The following C4orf50 variants were observed in gnomAD, a reference collection of about 807,000 sequenced individuals.
C4orf50 encodes the protein uncharacterized protein C4orf50.
Under a neutral mutation model 77.2 loss-of-function variants are expected in C4orf50, and 80 were observed. The observed-to-expected ratio is 1.04, with a 90% confidence interval of 0.87 to 1.25. The LOEUF (loss-of-function observed/expected upper bound fraction) is 1.25. C4orf50 is among the 50% of genes most tolerant of loss of function. The pLI is 0.00. For missense variants in C4orf50, 1,257 were observed against 1,152.9 expected (o/e 1.09, Z -1.31); for synonymous variants, 532 against 465.3 (o/e 1.14, Z -1.84).
At chr4:5,930,438 C>T (rs1438464223) in intron 7 of C4orf50, among the ~76,000 whole-genome samples, 1 of 152,218 alleles carries the variant, frequency 6.6e-6, no homozygotes, top group African/African-American at 2.4e-5. Context: ...CAATCCACCA[C>T]CAGACTTTTT....
At chr4:5,953,280 T>C (rs994256291), downstream of C4orf50, among the ~76,000 whole-genome samples, 1 of 152,160 alleles carries the variant, frequency 6.6e-6, no homozygotes. Context: ...TGAAAAAGAA[T>C]GGCTGGGAGT....
At chr4:5,997,827 G>T (rs765273171) in intron 25 of C4orf50, among the ~76,000 whole-genome samples, 14 of 152,170 alleles carry the variant, frequency 9.2e-5, no homozygotes, top group Non-Finnish European at 1.9e-4. Flanking sequence ...TAATGATATA[G>T]AAGGATCATT....
At chr4:5,924,527 A>G (rs1717425166) in intron 7 of C4orf50, among the ~76,000 whole-genome samples, 1 of 152,160 alleles carries the variant, frequency 6.6e-6, no homozygotes, top group Non-Finnish European at 1.5e-5. Flanking sequence ...GCAAGGGTAG[A>G]GAAACCTCCT....
chr4:5,980,073 G>A (rs1183136596), intron 29 of C4orf50, 101 bp downstream of exon 7: 25 of 935,214 alleles, frequency 2.7e-5, no homozygotes, highest in Non-Finnish European at 3.8e-5. Flanking sequence ...CTCCCAACTG[G>A]CTGGGTCAAG....
Position 5,967,408 on chromosome 4 carries a change from A to G in C4orf50, c.4153+6T>C. 6.2e-7 allele frequency: 1 copy of G among 1,612,350 alleles called. No homozygotes were observed. The highest frequency in any genetic ancestry group is 8.5e-7 in the Non-Finnish European group (1 of 1,178,430). On this transcript the variant is annotated splice_donor_region_variant and intron_variant, in intron 32 of 33. Coordinates refer to ENST00000531445, the Ensembl canonical transcript of C4orf50. ...CAGGCTTTTCCTGATCAAAAATCAC[A>G]CTGACCTCTTAAAGCTGCCGTCATC...
rs191424852 is a variant in C4orf50, at chr4:6,010,832, T to C, written c.426+998A>G. On this transcript the variant is annotated intron_variant, in intron 24 of 33. Coordinates refer to ENST00000531445, the Ensembl canonical transcript of C4orf50. The stretch of plus-strand genomic sequence containing the variant: ...TCCTTCCCCTGGAAAATTTTAGTAA[T>C]GGCTAATAATTATAAAAGCAGATAG... Among the ~76,000 whole-genome samples, 85 of 152,312 alleles carry C rather than the reference T, an allele frequency of 5.6e-4. 1 individual carries two copies. Among genetic ancestry groups the C allele is most frequent in the Non-Finnish European group, 1.0e-3 (70 of 68,014 alleles).
Position 5,932,288 on chromosome 4 carries a change from G to A in C4orf50, c.*2474+24613C>T, listed in dbSNP as rs1398731407. ...TTTCCTTGGCCCATTTATGGAGCAC[G>A]CACATGAGTAGCGAGGCTGGGCTCC... On this transcript the variant is annotated intron_variant, in intron 7 of 7. Transcript: ENST00000324058. The surrounding 1 kb of genome is among the most constrained non-coding windows in gnomAD (Gnocchi z 4.2). Among the ~76,000 whole-genome samples, 2 of 152,284 alleles carry A rather than the reference G, an allele frequency of 1.3e-5. No homozygotes were observed. Among genetic ancestry groups the A allele is most frequent in the East Asian group, 1.9e-4 (1 of 5,172 alleles).
intron 26 of C4orf50, 100 bp from the exon 5 acceptor site, chr4:5,993,030 A>G (rs1167492076): frequency 5.2e-6 from 2 of 387,078 alleles, no homozygotes; most frequent in African/African-American, 2.1e-5. Context: ...GTAAGATGGC[A>G]CCCCCCCCAC....
chr4:5,959,740 C>A (rs1577933185), intron 33 of C4orf50, 114 bp from the exon 12 acceptor site: 2 of 1,307,882 alleles, frequency 1.5e-6, no homozygotes, highest in East Asian at 2.5e-5. Flanking sequence ...GGTTTCGGGG[C>A]ACTTTCTGTG....
exon 28 of C4orf50, chr4:5,990,546 G>C: frequency 2.5e-6 from 1 of 399,082 alleles, no homozygotes; most frequent in African/African-American, 2.1e-5. Flanking sequence ...GAGGAGGCGG[G>C]GACCTGGTGG....
chr4:5,942,075 G>A (rs2108751310), intron 7 of C4orf50, among the ~76,000 whole-genome samples: 1 of 152,320 alleles, frequency 6.6e-6, no homozygotes, highest in Middle Eastern at 3.4e-3. Context: ...GCTCCTGGAG[G>A]AATCTCAGTC....
chr4:5,935,319 G>A lies in C4orf50; in HGVS notation c.*2474+21582C>T, dbSNP rs550851355. On this transcript the variant is annotated intron_variant, in intron 7 of 7. Coordinates refer to the C4orf50 transcript ENST00000324058. The stretch of plus-strand genomic sequence containing the variant: ...GGAGGGCTACGCCCCCAGTAACAGG[G>A]GGAATTAGAAGATAGAGAGGAAGTT... Among the ~76,000 whole-genome samples the A allele has an allele frequency of 2.6e-5, 4 of 152,286 alleles. No individual in the cohort carries two copies. The South Asian group carries it at 8.3e-4, about 32-fold the overall frequency.
At chr4:5,980,390 T>A (rs1423244896) in intron 28 of C4orf50, 52 bp from the exon 7 acceptor site, 35 of 1,552,738 alleles carry the variant, frequency 2.3e-5, no homozygotes, top group Non-Finnish European at 3.0e-5. Flanking sequence ...TTCAAGCAAT[T>A]TGCCTTAGCC....
chr4:6,000,163 C>T lies in C4orf50; in HGVS notation c.964-5687G>A, dbSNP rs1014288786. 2.0e-5 allele frequency among the ~76,000 whole-genome samples: 3 copies of T among 151,470 alleles called. No homozygotes were observed. Among genetic ancestry groups the T allele is most frequent in the Non-Finnish European group, 2.9e-5 (2 of 67,820 alleles). On this transcript the variant is annotated intron_variant, in intron 25 of 33. Transcript: ENST00000531445. This position sits in a 1 kb window ranked among gnomAD's most constrained non-coding sequence, Gnocchi z 6.0. ...TCGGTCCTCCTGGGTCACTCCCAGT[C>T]CTTTGAAGATGCACTGGCAGCCTTG...
intron 28 of C4orf50, among the ~76,000 whole-genome samples, chr4:5,981,461 A>G (rs1258537784): frequency 6.7e-6 from 1 of 148,818 alleles, no homozygotes; most frequent in East Asian, 2.0e-4. Context: ...CTGGAGTGCA[A>G]TGGCATGACC....
At chr4:6,012,990 C>T (rs747780510) in intron 23 of C4orf50, among the ~76,000 whole-genome samples, 3 of 152,208 alleles carry the variant, frequency 2.0e-5, no homozygotes, top group Non-Finnish European at 4.4e-5. Context: ...GATACTGATG[C>T]CCTGGGTGAA....
chr4:5,926,400 C>T (rs964502476), intron 7 of C4orf50, among the ~76,000 whole-genome samples: 8 of 152,104 alleles, frequency 5.3e-5, no homozygotes, highest in East Asian at 1.9e-4. Flanking sequence ...CCCACAGGGA[C>T]GGAAAGTGGA....
chr4:5,928,896 T>G lies in C4orf50; in HGVS notation c.*2474+28005A>C, dbSNP rs184839474. On this transcript the variant is annotated intron_variant, in intron 7 of 7. Transcript: ENST00000324058. ...GTGTTTTGTGTGCTTTCAACAAAAT[T>G]GAGATAATAACATTTCTGGGGGGTT... 5.1e-3 allele frequency among the ~76,000 whole-genome samples: 778 copies of G among 152,292 alleles called. 4 individuals carry two copies. The highest frequency in any genetic ancestry group is 0.017 in the African/African-American group (692 of 41,560).
In C4orf50 at chr4:5,988,673, C is replaced by T. The variant is rs771247388; in HGVS notation, c.3373G>A (p.Ala1125Thr). ...TCTTTGTCTAGAGCGTGCATCTTGGCTTTTCCCTGGAGGTGCTCCCTTCCC... is the reference window on the plus strand; with the variant it reads ...TCTTTGTCTAGAGCGTGCATCTTGGTTTTTCCCTGGAGGTGCTCCCTTCCC... The change falls in exon 28 of 34, where the codon GCC becomes ACC. Residue 1125 changes from alanine (A) to threonine (T), a missense_variant. By Grantham distance (58) the Ala-to-Thr change is moderately conservative. Coordinates refer to ENST00000531445, the Ensembl canonical transcript of C4orf50. 9 of 1,535,984 alleles carry T rather than the reference C, an allele frequency of 5.9e-6. No homozygotes were observed. In the African/African-American group the frequency reaches 1.2e-4, roughly 21 times the overall value.
Sources: allele counts gnomAD v4.1 joint callset (sites outside exome capture counted in the v4.1 genomes callset), GRCh38; gene constraint gnomAD v4.1.1; non-coding constraint Gnocchi (gnomAD v3.1); transcripts MANE v1.5; gene names NCBI Gene and HGNC (gene_info 2026-07-23, HGNC 2026-07-21).